Variants in UBE2G1 observed in about 807,000 individuals in gnomAD.
UBE2G1 encodes ubiquitin-conjugating enzyme E2 G1.
UBE2G1 carries 5 observed loss-of-function variants against 22.7 expected under a neutral mutation model. The ratio of observed to expected loss-of-function variants is 0.22; its 90% CI spans 0.12 to 0.46. The LOEUF (loss-of-function observed/expected upper bound fraction) is 0.46, where lower values mean the gene tolerates loss of function less well. Among genes scored for constraint, UBE2G1 ranks in the 20% least tolerant of loss-of-function variants. The pLI, the probability that UBE2G1 is intolerant of heterozygous loss-of-function variation, is 0.99. For synonymous variants in UBE2G1, 74 were observed against 67.5 expected (o/e 1.10, Z -0.47); for missense variants, 88 against 203.9 (o/e 0.43, Z 3.46).
intron 1 of UBE2G1, among the ~76,000 whole-genome samples, chr17:4,310,609 A>G (rs986874730): frequency 6.6e-6 from 1 of 152,204 alleles, no homozygotes; most frequent in Non-Finnish European, 1.5e-5. Flanking sequence ...TAAGCCCTGC[A>G]TGCTTGGACT....
In UBE2G1 at chr17:4,296,650, G is replaced by T. The variant is rs961949947; in HGVS notation, c.247+67C>A. The T allele has an allele frequency of 1.4e-5, 20 of 1,428,914 alleles. No homozygotes were observed. The Admixed American group carries it at 2.0e-4, about 14-fold the overall frequency. The allele number at this position is 1,428,914 out of a possible 1,614,324, so 88.5% of individuals were successfully genotyped here. ...CACTGAGAAACAGATCTTTCTTATT[G>T]ACCTTGAACACTTCAATAACAGGCC... On this transcript the variant is annotated intron_variant, in intron 3 of 5. Transcript: ENST00000396981.
At chr17:4,282,999 A>G in intron 4 of UBE2G1, 78 bp from the exon 5 acceptor site, 34 of 1,193,502 alleles carry the variant, frequency 2.8e-5, no homozygotes, top group Non-Finnish European at 4.0e-5. Flanking sequence ...TTTAATTTTG[A>G]ATGTAATCCC....
At chr17:4,318,339 A>T (rs1209299757) in intron 1 of UBE2G1, among the ~76,000 whole-genome samples, 1 of 152,140 alleles carries the variant, frequency 6.6e-6, no homozygotes, top group Non-Finnish European at 1.5e-5. Flanking sequence ...CTCACGCCCA[A>T]CTATGTTTCT....
intron 2 of UBE2G1, among the ~76,000 whole-genome samples, chr17:4,300,368 C>T (rs992031279): frequency 6.6e-6 from 1 of 151,192 alleles, no homozygotes; most frequent in African/African-American, 2.4e-5. Flanking sequence ...TATGGTGAAA[C>T]GCCGTCTCTA....
At chr17:4,337,479 C>A (rs1444979206) in intron 1 of UBE2G1, among the ~76,000 whole-genome samples, 1 of 151,578 alleles carries the variant, frequency 6.6e-6, no homozygotes, top group Admixed American at 6.6e-5. Context: ...ACGGTGAAAC[C>A]CTGACTCTAC....
In UBE2G1 at chr17:4,350,070, T is replaced by C. The variant is rs144299475; in HGVS notation, c.46+16201A>G. 7.9e-4 allele frequency among the ~76,000 whole-genome samples: 121 copies of C among 152,252 alleles called. 1 individual carries two copies. Among genetic ancestry groups the C allele is most frequent in the African/African-American group, 2.7e-3 (113 of 41,558 alleles). ...CCCAAAATGTTGGGATTACAGAAGTTAAGTCACTGCACCCAGCGCTTAAAA... is the reference window on the plus strand; with the variant it reads ...CCCAAAATGTTGGGATTACAGAAGTCAAGTCACTGCACCCAGCGCTTAAAA... On this transcript the variant is annotated intron_variant, in intron 1 of 5. Transcript: ENST00000396981.
chr17:4,314,735 A>G (rs1477895552), intron 1 of UBE2G1, among the ~76,000 whole-genome samples: 2 of 152,200 alleles, frequency 1.3e-5, no homozygotes, highest in Non-Finnish European at 2.9e-5. Flanking sequence ...AAACCACCAC[A>G]TATGAAGTAA....
chr17:4,280,835 A>G (rs1330703106), intron 5 of UBE2G1, among the ~76,000 whole-genome samples: 1 of 152,002 alleles, frequency 6.6e-6, no homozygotes. Context: ...GGGTTTCACC[A>G]TATTGGCCAG....
intron 1 of UBE2G1, among the ~76,000 whole-genome samples, chr17:4,312,575 A>G (rs1969322306): frequency 6.6e-6 from 1 of 151,364 alleles, no homozygotes; most frequent in South Asian, 2.1e-4. Flanking sequence ...GGGCACCTGT[A>G]GTCCCAGCTA....
intron 2 of UBE2G1, chr17:4,301,576 G>C (rs935777413): frequency 3.7e-6 from 5 of 1,338,706 alleles, no homozygotes; most frequent in Non-Finnish European, 5.4e-6. Flanking sequence ...GTAGTTTTGT[G>C]TTTCTTTGGT....
chr17:4,287,562 T>C (rs909817243), intron 4 of UBE2G1, among the ~76,000 whole-genome samples: 9 of 152,200 alleles, frequency 5.9e-5, no homozygotes, highest in African/African-American at 2.2e-4. Flanking sequence ...CTTGATTAAA[T>C]AGATAGTTTT....
At chr17:4,353,462 T>TATACACACAC (rs990958855) in intron 1 of UBE2G1, among the ~76,000 whole-genome samples, 4 of 148,196 alleles carry the variant, frequency 2.7e-5, no homozygotes, top group African/African-American at 1.0e-4. Context: ...TATATATATA[T>TATACACACAC]ACACACACAC....
chr17:4,365,329 T>G (rs1004683758), intron 1 of UBE2G1, among the ~76,000 whole-genome samples: 1 of 152,114 alleles, frequency 6.6e-6, no homozygotes, highest in Non-Finnish European at 1.5e-5. Context: ...CCCCTTCCAC[T>G]CCGCACACGG....
intron 5 of UBE2G1, among the ~76,000 whole-genome samples, chr17:4,277,916 C>T (rs1359577835): frequency 6.6e-6 from 1 of 151,362 alleles, no homozygotes; most frequent in Non-Finnish European, 1.5e-5. Context: ...GTATCTTTTA[C>T]ATTTTTTTTT....
In UBE2G1 at chr17:4,366,480, G is replaced by A. The variant is rs1487744536; in HGVS notation, c.-164C>T. The A allele has an allele frequency of 1.7e-6, 1 of 578,190 alleles. No homozygotes were observed. Among genetic ancestry groups the A allele is most frequent in the Non-Finnish European group, 2.7e-6 (1 of 370,312 alleles). The allele number at this position is 578,190 out of a possible 1,614,324, so 35.8% of individuals were successfully genotyped here. A position where few individuals can be genotyped will look rare whatever the true frequency, so the allele number is the denominator to read the frequency against. On this transcript the variant is annotated 5_prime_UTR_variant, in exon 1 of 6. Transcript: ENST00000396981. ...GCGGCGGGAGCGGCGCCTCGCTGCC[G>A]GTGCGAGTCCGCTCGCTTCAGCTCT...
At chr17:4,306,160 T>G (rs908388758) in intron 2 of UBE2G1, among the ~76,000 whole-genome samples, 1 of 152,212 alleles carries the variant, frequency 6.6e-6, no homozygotes, top group African/African-American at 2.4e-5. Context: ...CGGTGGGGAC[T>G]CAAGTAGAGA....
In UBE2G1 at chr17:4,336,590, G is replaced by C. The variant is rs114244808; in HGVS notation, c.47-29467C>G. Among the ~76,000 whole-genome samples, 938 of 152,004 alleles carry C rather than the reference G, an allele frequency of 6.2e-3. 5 individuals are homozygous for C. The highest frequency in any genetic ancestry group is 0.021 in the African/African-American group (883 of 41,454). On this transcript the variant is annotated intron_variant, in intron 1 of 5. Transcript: ENST00000396981. ...CTGTTGCCCAGGCTCAAGTACAATGGTGCAAGGCTCACTGCAACCTCCACC... is the reference window on the plus strand; with the variant it reads ...CTGTTGCCCAGGCTCAAGTACAATGCTGCAAGGCTCACTGCAACCTCCACC...
intron 2 of UBE2G1, among the ~76,000 whole-genome samples, chr17:4,298,334 G>A (rs140916351): frequency 2.5e-3 from 382 of 152,064 alleles, no homozygotes; most frequent in African/African-American, 8.6e-3. Flanking sequence ...AGAAAGGAAA[G>A]AACAAGTGAA....
At chr17:4,356,253 G>A (rs1313663009) in intron 1 of UBE2G1, among the ~76,000 whole-genome samples, 2 of 151,702 alleles carry the variant, frequency 1.3e-5, no homozygotes, top group African/African-American at 4.8e-5. Context: ...AGCTACTCGG[G>A]AGGCTGAGGC....
Sources: gnomAD v4.1 joint callset for allele counts (sites outside exome capture counted in the v4.1 genomes callset) on GRCh38, gnomAD v4.1.1 for gene constraint, MANE v1.5 for transcripts, NCBI Gene and HGNC (gene_info 2026-07-23, HGNC 2026-07-21) for gene names.